The following POFUT2 variants were observed in gnomAD, a reference collection of about 807,000 sequenced individuals.
The protein encoded by POFUT2 is protein O-fucosyltransferase 2, also known as GDP-fucose protein O-fucosyltransferase 2.
POFUT2 carries 30 observed loss-of-function variants against 55.0 expected under a neutral mutation model. That is an observed-to-expected ratio of 0.55 (90% CI 0.41 to 0.74). The LOEUF is 0.74. POFUT2 is among the 30% of genes least tolerant of loss of function. The pLI, the probability that POFUT2 is intolerant of heterozygous loss-of-function variation, is 0.00. For synonymous variants in POFUT2, 267 were observed against 231.1 expected (o/e 1.16, Z -1.41); for missense variants, 524 against 562.6 (o/e 0.93, Z 0.69).
intron 6 of POFUT2, among the ~76,000 whole-genome samples, chr21:45,275,222 T>C (rs138883150): frequency 1.3e-5 from 2 of 151,972 alleles, no homozygotes; most frequent in Non-Finnish European, 2.9e-5. Flanking sequence ...CACAACAGGA[T>C]ACTACCTTAC....
At chr21:45,280,005 A>C (rs2030400865) in intron 4 of POFUT2, among the ~76,000 whole-genome samples, 1 of 152,226 alleles carries the variant, frequency 6.6e-6, no homozygotes, top group Non-Finnish European at 1.5e-5. Flanking sequence ...CCTGCTTCTA[A>C]TGCCGTTTTA....
rs973568287 is a variant in POFUT2 at position 45,264,639 on chromosome 21, C to G, written c.*843G>C. 7.2e-6 allele frequency: 1 copy of G among 138,518 alleles called. No homozygotes were observed. Among genetic ancestry groups the G allele is most frequent in the African/African-American group, 2.7e-5 (1 of 37,046 alleles). The allele number at this position is 138,518 out of a possible 1,614,324, so 8.6% of individuals were successfully genotyped here. A position where few individuals can be genotyped will look rare whatever the true frequency, so the allele number is the denominator to read the frequency against. On this transcript the variant is annotated 3_prime_UTR_variant, in exon 9 of 9. Transcript: ENST00000349485. The stretch of plus-strand genomic sequence containing the variant: ...CCCCATGTGCACCTGCCAGCCGGGG[C>G]GAGGGCAGGGACGGCCAGCCGGGCG...
chr21:45,271,360 A>G (rs2093218482), intron 6 of POFUT2, among the ~76,000 whole-genome samples: 1 of 152,206 alleles, frequency 6.6e-6, no homozygotes, highest in African/African-American at 2.4e-5. Flanking sequence ...AAAAAAGAAT[A>G]GTAAAAAAAA....
intron 2 of POFUT2, among the ~76,000 whole-genome samples, chr21:45,283,880 C>T (rs1463532764): frequency 1.3e-5 from 2 of 152,188 alleles, no homozygotes; most frequent in South Asian, 2.1e-4. Flanking sequence ...CTTGGGGGCT[C>T]GCCCTCCGGC....
In POFUT2 at chr21:45,277,113, G is replaced by T; in HGVS notation, c.735C>A (p.His245Gln). 1 of 1,613,950 alleles carries T rather than the reference G, an allele frequency of 6.2e-7. No homozygotes were observed. The highest frequency in any genetic ancestry group is 8.5e-7 in the Non-Finnish European group (1 of 1,179,980). The change falls in exon 6 of 9, where the codon CAC becomes CAA. Residue 245 changes from histidine (H) to glutamine (Q), a missense_variant. Around this residue, in one of 2 missense-constraint regions of POFUT2, gnomAD observed 250 missense variants for 318.2 expected, o/e 0.79. Coordinates refer to ENST00000349485, the MANE Select transcript of POFUT2 (RefSeq NM_133635.6). This position sits in a 1 kb window ranked among gnomAD's most constrained non-coding sequence, Gnocchi z 6.9. ...DTRRSMVFAR[H>Q]LREVGDEFRS... is the part of the protein sequence containing the mutation. ...TGAACTCGTCTCCCACCTCCCGCAG[G>T]TGCCTGGCAAACACCATGCTGCGAC...
Position 45,277,708 on chromosome 21 carries a change from C to A in POFUT2, c.705+395G>T. The A allele has an allele frequency of 4.2e-6, 1 of 236,566 alleles. No individual in the cohort carries two copies. 14.7% of individuals were successfully genotyped at this position (236,566 alleles called of 1,614,324 possible). On this transcript the variant is annotated intron_variant, in intron 5 of 8. Coordinates refer to ENST00000349485, the MANE Select transcript of POFUT2 (RefSeq NM_133635.6). The surrounding 1 kb of genome is among the most constrained non-coding windows in gnomAD (Gnocchi z 6.9). ...CCAGGGGTGGCTATGGGAAGTCACC[C>A]CATCAATGCGGAAATCAACGCCAAC... is the stretch of plus-strand genomic sequence containing the variant.
chr21:45,277,133 T>C lies in POFUT2; in HGVS notation c.715A>G (p.Ser239Gly). ...CGCAGGTGCCTGGCAAACACCATGC[T>C]GCGACGGGTCTGTGGAAACGGCGAC... Reference protein sequence around the residue: ...GGKEYWDTRRSMVFARHLREV... With the variant: ...GGKEYWDTRRGMVFARHLREV... The change falls in exon 6 of 9, where the codon AGC becomes GGC. Residue 239 changes from serine to glycine, a missense_variant. Physicochemically the swap from Ser to Gly is moderately conservative, Grantham distance 56. This residue lies in a region of POFUT2 where 250 missense variants were observed against 318.2 expected (regional missense o/e 0.79). Transcript: ENST00000349485. This position sits in a 1 kb window ranked among gnomAD's most constrained non-coding sequence, Gnocchi z 6.9. 3.7e-6 allele frequency: 6 copies of C among 1,613,534 alleles called. No homozygotes were observed. The highest frequency in any genetic ancestry group is 2.2e-5 in the South Asian group (2 of 91,080).
rs1414760254 is a variant in POFUT2 at position 45,265,837 on chromosome 21, G to A, written c.1137-202C>T. 2.1e-6 allele frequency: 3 copies of A among 1,395,744 alleles called. No homozygotes were observed. The highest frequency in any genetic ancestry group is 2.7e-5 in the East Asian group (1 of 37,324). 86.5% of individuals were successfully genotyped at this position (1,395,744 alleles called of 1,614,324 possible). A position where few individuals can be genotyped will look rare whatever the true frequency, so the allele number is the denominator to read the frequency against. ...CAGGTGCCCTCGACATCGGCGCCCT[G>A]AGGGGCTCTGCCTGGTGCTGCAGCC... is the stretch of plus-strand genomic sequence containing the variant. On this transcript the variant is annotated intron_variant, in intron 8 of 8. Transcript: ENST00000349485. This position sits in a 1 kb window ranked among gnomAD's most constrained non-coding sequence, Gnocchi z 4.6.
At chr21:45,275,706 A>G (rs193176568) in intron 6 of POFUT2, among the ~76,000 whole-genome samples, 74 of 152,370 alleles carry the variant, frequency 4.9e-4, no homozygotes, top group Admixed American at 1.6e-3. Flanking sequence ...ATGTAAAGGC[A>G]TAAGAATGAC....
chr21:45,284,064 G>A lies in POFUT2; in HGVS notation c.383-537C>T, dbSNP rs1369089552. Among the ~76,000 whole-genome samples the A allele has an allele frequency of 2.0e-5, 3 of 152,204 alleles. No homozygotes were observed. Among genetic ancestry groups the A allele is most frequent in the Non-Finnish European group, 4.4e-5 (3 of 68,032 alleles). On this transcript the variant is annotated intron_variant, in intron 2 of 8. Coordinates refer to ENST00000349485, the MANE Select transcript of POFUT2 (RefSeq NM_133635.6). The surrounding 1 kb of genome is among the most constrained non-coding windows in gnomAD (Gnocchi z 5.8). ...CGCACCAAGAAGGTGGCACTGTGACGCCCAAGAGGTCAGCAATTAAGATCT... is the reference window on the plus strand; with the variant it reads ...CGCACCAAGAAGGTGGCACTGTGACACCCAAGAGGTCAGCAATTAAGATCT...
At chr21:45,283,258 G>GC in intron 3 of POFUT2, 125 bp downstream of exon 3, 1 of 459,792 alleles carries the variant, frequency 2.2e-6, no homozygotes, top group Non-Finnish European at 3.9e-6. Context: ...TGCAGGGGGG[G>GC]CGGGGGGCAC....
intron 4 of POFUT2, among the ~76,000 whole-genome samples, chr21:45,279,776 A>G (rs552053069): frequency 7.2e-4 from 109 of 152,328 alleles, no homozygotes; most frequent in African/African-American, 2.5e-3. Flanking sequence ...ATTTTCTTCC[A>G]TCTGTACACA....
At position 45,267,830 on chromosome 21, in the gene POFUT2, T is replaced by G. The variant is rs2146548884; in HGVS notation, c.1013-117A>C. ...TCTGGTTAATTCGTTAGGAACTGGCTCCAAAGGTGCAGACACACAACTCAG... is the reference window on the plus strand; with the variant it reads ...TCTGGTTAATTCGTTAGGAACTGGCGCCAAAGGTGCAGACACACAACTCAG... On this transcript the variant is annotated intron_variant, in intron 7 of 8. Coordinates refer to ENST00000349485, the MANE Select transcript of POFUT2 (RefSeq NM_133635.6). This position sits in a 1 kb window ranked among gnomAD's most constrained non-coding sequence, Gnocchi z 4.4. The G allele has an allele frequency of 1.2e-6, 1 of 865,738 alleles. No homozygotes were observed. The highest frequency in any genetic ancestry group is 1.6e-5 in the South Asian group (1 of 63,202). The allele number at this position is 865,738 out of a possible 1,614,324, so 53.6% of individuals were successfully genotyped here.
intron 6 of POFUT2, among the ~76,000 whole-genome samples, chr21:45,276,744 C>G (rs2093267902): frequency 1.3e-5 from 2 of 152,182 alleles, no homozygotes; most frequent in South Asian, 2.1e-4. Context: ...CTGAGAACAC[C>G]TTTGAGTCCG....
chr21:45,278,058 G>C (rs756658979), intron 5 of POFUT2, 45 bp downstream of exon 5: 6 of 1,377,262 alleles, frequency 4.4e-6, no homozygotes, highest in Non-Finnish European at 6.2e-6. Context: ...TAAATAATGG[G>C]CAACATACAC....
chr21:45,268,860 T>G (rs1250113700), intron 7 of POFUT2, among the ~76,000 whole-genome samples: 6 of 65,118 alleles, frequency 9.2e-5, no homozygotes, highest in South Asian at 7.8e-4. Context: ...GGGAGGGAGG[T>G]GGGGGGGTCA....
chr21:45,266,993 C>G (rs371055071), intron 8 of POFUT2: 5 of 1,041,516 alleles, frequency 4.8e-6, no homozygotes, highest in Non-Finnish European at 5.8e-6. Context: ...AATGACTGCA[C>G]GCAGGGCCCA....
At position 45,285,645 on chromosome 21, in the gene POFUT2, A is replaced by G. The variant is rs1187909931; in HGVS notation, c.382+33T>C. 7.4e-6 allele frequency: 12 copies of G among 1,612,720 alleles called. No individual in the cohort carries two copies. Among genetic ancestry groups the G allele is most frequent in the Non-Finnish European group, 1.0e-5 (12 of 1,179,936 alleles). On this transcript the variant is annotated intron_variant, in intron 2 of 8. Coordinates refer to ENST00000349485, the MANE Select transcript of POFUT2 (RefSeq NM_133635.6). The surrounding 1 kb of genome is among the most constrained non-coding windows in gnomAD (Gnocchi z 4.9). ...ATGACTGCCTGGCCCCAGTTAAGCA[A>G]CCACGGCCTCCCAGCGTGCCGCTCG...
At position 45,269,008 on chromosome 21, in the gene POFUT2, C is replaced by T. The variant is rs1485858137; in HGVS notation, c.1012+831G>A. On this transcript the variant is annotated intron_variant, in intron 7 of 8. Coordinates refer to ENST00000349485, the MANE Select transcript of POFUT2 (RefSeq NM_133635.6). The stretch of plus-strand genomic sequence containing the variant: ...CTGGGAAGCAAAGAGCCCCTCTGCC[C>T]GGCCAGCCGCCCCGTCTGGGAGGGA... 4.8e-5 allele frequency among the ~76,000 whole-genome samples: 5 copies of T among 103,192 alleles called. 1 individual carries two copies. Among genetic ancestry groups the T allele is most frequent in the Non-Finnish European group, 9.8e-5 (5 of 50,938 alleles). 67.7% of individuals were successfully genotyped at this position (103,192 alleles called of 152,430 possible).
Sources: gnomAD v4.1 joint callset for allele counts (sites outside exome capture counted in the v4.1 genomes callset) on GRCh38, gnomAD v4.1.1 for gene constraint, gnomAD v4.1.1 regional missense constraint, Gnocchi (gnomAD v3.1) non-coding constraint, MANE v1.5 for transcripts, NCBI Gene and HGNC (gene_info 2026-07-23, HGNC 2026-07-21) for gene names.